Variants in MYO15B observed in about 807,000 individuals in gnomAD.
The protein encoded by MYO15B is myosin XVB pseudogene.
MYO15B carries 207 observed loss-of-function variants against 119.3 expected under a neutral mutation model. The ratio of observed to expected loss-of-function variants is 1.73; its 90% CI spans 1.55 to 1.95. The LOEUF is 1.95. Among genes scored for constraint, MYO15B ranks in the 30% most tolerant of loss-of-function variants. The pLI, the probability that MYO15B is intolerant of heterozygous loss-of-function variation, is 0.00. For synonymous variants in MYO15B, 966 were observed against 498.9 expected, an observed-to-expected ratio of 1.94 and a Z score of -12.48; for missense variants, 2,264 against 1,203.1, an observed-to-expected ratio of 1.88 and a Z score of -13.04.
intron 14 of MYO15B, among the ~76,000 whole-genome samples, chr17:75,600,090 C>T (rs1204626852): frequency 6.9e-6 from 1 of 145,108 alleles, no homozygotes; most frequent in Non-Finnish European, 1.5e-5. Flanking sequence ...GTGGCGTGAT[C>T]TCAGCTCACT....
exon 6 of MYO15B, chr17:75,592,014 A>T (rs1290979652): frequency 1.4e-6 from 1 of 702,676 alleles, no homozygotes; most frequent in African/African-American, 1.7e-5. Flanking sequence ...AGCTTTGGCC[A>T]TGCCAAGACC....
Position 75,614,768 on chromosome 17 carries a change from C to T in MYO15B, c.5483-5C>T. 1.4e-6 allele frequency: 1 copy of T among 702,814 alleles called. No homozygotes were observed. Among genetic ancestry groups the T allele is most frequent in the Non-Finnish European group, 2.6e-6 (1 of 385,004 alleles). The allele number at this position is 702,814 out of a possible 1,614,324, so 43.5% of individuals were successfully genotyped here. On this transcript the variant is annotated splice_region_variant and splice_polypyrimidine_tract_variant and intron_variant, in intron 31 of 63. Transcript: ENST00000645453. The stretch of plus-strand genomic sequence containing the variant: ...CATGGCTCCAACCCTCTCCCTGCCC[C>T]ACAGGGGAGGTCCAGAGGTCAGGGA...
intron 44 of MYO15B, 50 bp downstream of exon 44, chr17:75,619,268 G>A (rs967548486): frequency 4.0e-5 from 28 of 702,552 alleles, no homozygotes; most frequent in Non-Finnish European, 6.5e-5. Context: ...TGGGGGCCGC[G>A]CCTGCCCTGA....
chr17:75,598,571 G>A (rs951808320), intron 14 of MYO15B, among the ~76,000 whole-genome samples: 21 of 150,642 alleles, frequency 1.4e-4, no homozygotes, highest in African/African-American at 5.1e-4. Context: ...AAAAACAATG[G>A]TAAAATCATC....
intron 14 of MYO15B, among the ~76,000 whole-genome samples, chr17:75,597,586 C>T (rs541389126): frequency 1.1e-4 from 17 of 152,350 alleles, no homozygotes; most frequent in African/African-American, 3.8e-4. Context: ...CAGTCTCTCC[C>T]CTCTTACAGC....
At chr17:75,615,591 G>A (rs568135454) in exon 35 of MYO15B, 144 of 699,548 alleles carry the variant, frequency 2.1e-4, no homozygotes, top group South Asian at 1.8e-3. Context: ...AGCAGCAGGC[G>A]CTAATCCTGG....
In MYO15B at chr17:75,611,677, C is replaced by T. The variant is rs1244652904; in HGVS notation, c.4504+19C>T. ...GCGGAAAGTGAGTCTTGTTGGTGTC[C>T]TCTTGTTAGGACTCCTTCTCCAGTC... On this transcript the variant is annotated intron_variant, in intron 24 of 63. Transcript: ENST00000645453. The T allele has an allele frequency of 1.2e-4, 86 of 702,592 alleles. 1 individual carries two copies. The Admixed American group carries it at 1.7e-3, about 14-fold the overall frequency. The allele number at this position is 702,592 out of a possible 1,614,324, so 43.5% of individuals were successfully genotyped here.
Position 75,625,967 on chromosome 17 carries a change from CCAGCTCCCAGGTGGGCA to C in MYO15B, c.9069_9072+13del, listed in dbSNP as rs1327304568. On this transcript the variant is annotated splice_donor_variant and splice_donor_5th_base_variant and coding_sequence_variant and intron_variant, in exon 62 of 64. Transcript: ENST00000645453. LOFTEE classifies it high-confidence loss of function. ...CGCCAGCATCTCATCCTCATGGACC[CCAGCTCCCAGGTGGGCA>C]CAGCTCTTGCCTCAGCACTGGCCTA... 1.4e-6 allele frequency: 1 copy of C among 702,094 alleles called. No individual in the cohort carries two copies. The highest frequency in any genetic ancestry group is 2.6e-6 in the Non-Finnish European group (1 of 384,562). 43.5% of individuals were successfully genotyped at this position (702,094 alleles called of 1,614,324 possible).
rs2056579459 is a variant in MYO15B, at chr17:75,593,014, C to T, written c.2991+174C>T. ...AGCTGAGACATAGAGCTTCTCCACT[C>T]TCCCAATGTCTGTGCCTCTAAGCTG... is the stretch of plus-strand genomic sequence containing the variant. On this transcript the variant is annotated intron_variant, in intron 9 of 63. Coordinates refer to ENST00000645453, the Ensembl canonical transcript of MYO15B. The T allele has an allele frequency of 5.4e-6, 3 of 559,334 alleles. No individual in the cohort carries two copies. In the East Asian group the frequency reaches 8.9e-5, roughly 17 times the overall value. 34.6% of individuals were successfully genotyped at this position (559,334 alleles called of 1,614,324 possible).
intron 9 of MYO15B, 61 bp downstream of exon 9, chr17:75,592,901 G>A: frequency 1.5e-6 from 1 of 669,880 alleles, no homozygotes; most frequent in South Asian, 1.6e-5. Context: ...CAGGGCAGTG[G>A]TAATGACGCC....
At position 75,589,358 on chromosome 17, in the gene MYO15B, G is replaced by T. The variant is rs1214420081; in HGVS notation, c.1301G>T (p.Gly434Val). The change falls in exon 1 of 64, where the codon GGC (glycine) becomes GTC (valine). Residue 434 changes from glycine (G) to valine (V), a missense_variant. Coordinates refer to ENST00000645453, the Ensembl canonical transcript of MYO15B. The surrounding 1 kb of genome is among the most constrained non-coding windows in gnomAD (Gnocchi z 4.2). ...CGCGGGAAAGCGGATGAAGGGCGGG[G>T]CCACGAGCGAGGGGACGAGGGTCGG... is the stretch of plus-strand genomic sequence containing the variant. The T allele has an allele frequency of 2.6e-6, 1 of 390,542 alleles. No homozygotes were observed. The highest frequency in any genetic ancestry group is 4.5e-6 in the Non-Finnish European group (1 of 221,874). 24.2% of individuals were successfully genotyped at this position (390,542 alleles called of 1,614,324 possible).
At chr17:75,621,007 G>T in intron 49 of MYO15B, 24 bp from the exon 50 acceptor site, 1 of 702,894 alleles carries the variant, frequency 1.4e-6, no homozygotes. Context: ...CACTCAGGTG[G>T]CACCAGGTTT....
At chr17:75,613,888 G>C (rs971311666) in intron 29 of MYO15B, 111 bp downstream of exon 29, 13 of 612,918 alleles carry the variant, frequency 2.1e-5, no homozygotes, top group Non-Finnish European at 3.8e-5. Context: ...CCCCGGGGTG[G>C]GCAGGGGCCA....
intron 14 of MYO15B, among the ~76,000 whole-genome samples, chr17:75,599,290 T>C (rs1430431126): frequency 6.6e-6 from 1 of 151,928 alleles, no homozygotes; most frequent in Non-Finnish European, 1.5e-5. Context: ...TTTTTTTTTT[T>C]TTTTGAGACA....
At position 75,610,265 on chromosome 17, in the gene MYO15B, G is replaced by A. The variant is rs1164997760; in HGVS notation, c.4386+6G>A. The A allele has an allele frequency of 2.9e-6, 2 of 698,220 alleles. No homozygotes were observed. Among genetic ancestry groups the A allele is most frequent in the Admixed American group, 4.0e-5 (2 of 49,660 alleles). The allele number at this position is 698,220 out of a possible 1,614,324, so 43.3% of individuals were successfully genotyped here. A position where few individuals can be genotyped will look rare whatever the true frequency, so the allele number is the denominator to read the frequency against. ...AGAGGCGGCAGAGACTGCAGGTGCA[G>A]GGGCTTGGGTGGGGCGGTTCAGGGT... On this transcript the variant is annotated splice_donor_region_variant and intron_variant, in intron 22 of 63. Transcript: ENST00000645453.
intron 23 of MYO15B, 22 bp from the exon 24 acceptor site, chr17:75,611,579 G>C: frequency 1.4e-6 from 1 of 702,700 alleles, no homozygotes; most frequent in Non-Finnish European, 2.6e-6. Context: ...TGGATCCTGG[G>C]TAAATGAGTC....
intron 53 of MYO15B, among the ~76,000 whole-genome samples, chr17:75,622,762 C>T (rs1354648570): frequency 6.6e-6 from 1 of 152,082 alleles, no homozygotes; most frequent in African/African-American, 2.4e-5. Flanking sequence ...TGACCAATTG[C>T]ATGTGGGCTA....
chr17:75,620,712 C>A, intron 49 of MYO15B, 76 bp downstream of exon 49: 1 of 690,908 alleles, frequency 1.4e-6, no homozygotes, highest in Non-Finnish European at 2.6e-6. Flanking sequence ...TTGACCACTC[C>A]CGAGGCTGCC....
In MYO15B at chr17:75,617,890, G is replaced by A. The variant is rs748397058; in HGVS notation, c.6895G>A (p.Gly2299Ser). The change falls in exon 42 of 64, where the codon GGC becomes AGC. Residue 2299 changes from glycine (G) to serine (S), a missense_variant. Physicochemically the swap from Gly to Ser is moderately conservative, Grantham distance 56 (BLOSUM62 0). Transcript: ENST00000645453. The stretch of plus-strand genomic sequence containing the variant: ...TGGCAGCGTGTGCTTCTCCTACACC[G>A]GCACGCCCTGGAAGTTGTTCCTACG... The A allele has an allele frequency of 4.3e-5, 30 of 702,782 alleles. No homozygotes were observed. In the Middle Eastern group the frequency reaches 1.6e-3, roughly 37 times the overall value. The allele number at this position is 702,782 out of a possible 1,614,324, so 43.5% of individuals were successfully genotyped here.
Sources: gnomAD v4.1 joint callset for allele counts (sites outside exome capture counted in the v4.1 genomes callset) on GRCh38, gnomAD v4.1.1 for gene constraint, Gnocchi (gnomAD v3.1) non-coding constraint, MANE v1.5 for transcripts, NCBI Gene and HGNC (gene_info 2026-07-23, HGNC 2026-07-21) for gene names.